Variants in DNAH11 observed in about 807,000 individuals in gnomAD.
DNAH11 encodes dynein axonemal heavy chain 11, also known as axonemal beta dynein heavy chain 11.
A neutral mutation model predicts 526.0 loss-of-function variants in DNAH11; 442 were observed. The ratio of observed to expected loss-of-function variants is 0.84; its 90% CI spans 0.78 to 0.91. DNAH11 has a LOEUF of 0.91. DNAH11 is among the 40% of genes least tolerant of loss of function. DNAH11 has a pLI of 0.00. For missense variants in DNAH11, 6,989 were observed against 5,448.7 expected (o/e 1.28, Z -8.90); for synonymous variants, 2,461 against 1,935.9 (o/e 1.27, Z -7.12).
At chr7:21,569,057 G>A (rs1252292608) in intron 6 of DNAH11, among the ~76,000 whole-genome samples, 1 of 152,146 alleles carries the variant, frequency 6.6e-6, no homozygotes, top group Non-Finnish European at 1.5e-5. Context: ...AGGGGTTTTA[G>A]ACACTAAATG....
In DNAH11 at chr7:21,588,072, C is replaced by A. The variant is rs749092321; in HGVS notation, c.1719C>A (p.Thr573=). 5.6e-6 allele frequency: 9 copies of A among 1,612,550 alleles called. No homozygotes were observed. The highest frequency in any genetic ancestry group is 7.6e-6 in the Non-Finnish European group (9 of 1,179,454). ...CACTTTGATTTTTATAGCTTTTGAC[C>A]ATATTTGGAAATTTTCTAGAGAAGC... ...NGLEAAFKLL[T]IFGNFLEKPV... Residue 573 remains threonine, a synonymous_variant, in exon 10 of 82, where the codon ACC becomes ACA. Coordinates refer to ENST00000409508, the MANE Select transcript of DNAH11 (RefSeq NM_001277115.2).
Position 21,707,845 on chromosome 7 carries a change from C to T in DNAH11, c.6683+10C>T. Reference sequence around the variant, plus strand: ...AATGGAAAGATGGCAAGTAGTATTTCCCCTTTAGAAGTGCTCAATTTTTTT... The same window carrying T: ...AATGGAAAGATGGCAAGTAGTATTTTCCCTTTAGAAGTGCTCAATTTTTTT... On this transcript the variant is annotated intron_variant, in intron 40 of 81. Transcript: ENST00000409508. 6.3e-7 allele frequency: 1 copy of T among 1,589,046 alleles called. No individual in the cohort carries two copies. Among genetic ancestry groups the T allele is most frequent in the Non-Finnish European group, 8.6e-7 (1 of 1,169,352 alleles).
intron 46 of DNAH11, among the ~76,000 whole-genome samples, chr7:21,736,704 T>A (rs778858785): frequency 7.2e-5 from 11 of 152,160 alleles, no homozygotes; most frequent in Non-Finnish European, 1.5e-4. Flanking sequence ...GAAAGCCAAC[T>A]CAAGCCAGGT....
chr7:21,852,420 A>AAT, intron 66 of DNAH11, 47 bp from the exon 67 acceptor site: 1 of 1,551,666 alleles, frequency 6.4e-7, no homozygotes, highest in Non-Finnish European at 8.7e-7. Context: ...AAAAAAAAAA[A>AAT]AAAGTACTTA....
At chr7:21,698,341 TC>T in intron 36 of DNAH11, 128 bp downstream of exon 36, 5 of 1,338,700 alleles carry the variant, frequency 3.7e-6, no homozygotes, top group African/African-American at 1.5e-5. Context: ...TTAAAAAAAT[TC>T]AATAGTTTGG....
At chr7:21,576,105 C>T (rs1183566510) in intron 8 of DNAH11, among the ~76,000 whole-genome samples, 1 of 152,144 alleles carries the variant, frequency 6.6e-6, no homozygotes, top group Non-Finnish European at 1.5e-5. Context: ...TCCTCTAGAT[C>T]TTGTTGCTGC....
At chr7:21,618,622 C>CT (rs1481082059) in intron 23 of DNAH11, 1 of 168,452 alleles carries the variant, frequency 5.9e-6, no homozygotes, top group Non-Finnish European at 1.3e-5. Context: ...CACTGTAAGA[C>CT]TATTTTTTTT....
rs1180502290 is a variant in DNAH11 at position 21,619,203 on chromosome 7, A to G, written c.4358A>G (p.Lys1453Arg). 3.7e-6 allele frequency: 6 copies of G among 1,613,140 alleles called. No homozygotes were observed. Among genetic ancestry groups the G allele is most frequent in the Non-Finnish European group, 2.5e-6 (3 of 1,179,576 alleles). ...CGAAGGATTGTGGACAAGGCGGTGA[A>G]AGAGCTGGGGACTGAGAAGGTAGTG... ...DVRRIVDKAV[K>R]ELGTEKVITE... is the part of the protein sequence containing the mutation. The change falls in exon 24 of 82, where the codon AAA becomes AGA. Residue 1453 changes from lysine (K) to arginine (R), a missense_variant. Physicochemically the swap from Lys to Arg is conservative, Grantham distance 26. Coordinates refer to ENST00000409508, the MANE Select transcript of DNAH11 (RefSeq NM_001277115.2).
chr7:21,569,996 T>G, intron 6 of DNAH11, 73 bp from the exon 7 acceptor site: 1 of 1,227,416 alleles, frequency 8.1e-7, no homozygotes, highest in East Asian at 2.6e-5. Flanking sequence ...AATGATTCTT[T>G]GAAACAGAGA....
At chr7:21,765,349 C>A (rs1787128247) in intron 54 of DNAH11, 79 bp from the exon 55 acceptor site, 1 of 1,595,968 alleles carries the variant, frequency 6.3e-7, no homozygotes, top group East Asian at 2.2e-5. Flanking sequence ...ACTCCTTTCT[C>A]TCATTGTCTA....
intron 35 of DNAH11, among the ~76,000 whole-genome samples, chr7:21,695,204 A>T (rs1783799288): frequency 6.6e-6 from 1 of 152,232 alleles, no homozygotes; most frequent in African/African-American, 2.4e-5. Flanking sequence ...ATTCCCATCA[A>T]GCTACCATTG....
At chr7:21,839,263 G>A (rs1782111037) in intron 65 of DNAH11, among the ~76,000 whole-genome samples, 1 of 152,214 alleles carries the variant, frequency 6.6e-6, no homozygotes, top group East Asian at 1.9e-4. Flanking sequence ...ATAGATGGAA[G>A]AATAAATCAC....
chr7:21,543,239 T>C lies in DNAH11; in HGVS notation c.-7T>C. 6.6e-7 allele frequency: 1 copy of C among 1,526,242 alleles called. No individual in the cohort carries two copies. Among genetic ancestry groups the C allele is most frequent in the Non-Finnish European group, 8.8e-7 (1 of 1,136,460 alleles). The allele number at this position is 1,526,242 out of a possible 1,614,324, so 94.5% of individuals were successfully genotyped here. On this transcript the variant is annotated 5_prime_UTR_variant, in exon 1 of 82. Transcript: ENST00000409508. Reference sequence around the variant, plus strand: ...GCCGGCCTCGCGTTCCCTCGGACGGTTGCCCAATGGCAGCCCAGGTGGCAG... The same window carrying C: ...GCCGGCCTCGCGTTCCCTCGGACGGCTGCCCAATGGCAGCCCAGGTGGCAG...
At chr7:21,710,998 T>C (rs1394178872) in intron 41 of DNAH11, among the ~76,000 whole-genome samples, 1 of 152,226 alleles carries the variant, frequency 6.6e-6, no homozygotes, top group Admixed American at 6.5e-5. Context: ...CCGTAAATTA[T>C]TGTATCTTGT....
chr7:21,785,408 C>T (rs776682193), intron 58 of DNAH11, among the ~76,000 whole-genome samples: 4 of 152,146 alleles, frequency 2.6e-5, no homozygotes, highest in Non-Finnish European at 5.9e-5. Context: ...TTCAAATAGC[C>T]TGCTGCCGTT....
chr7:21,827,129 G>C (rs960986963), intron 65 of DNAH11, among the ~76,000 whole-genome samples: 1 of 152,202 alleles, frequency 6.6e-6, no homozygotes, highest in Non-Finnish European at 1.5e-5. Flanking sequence ...TGTTTGAGAA[G>C]ATATACAGGT....
intron 61 of DNAH11, among the ~76,000 whole-genome samples, chr7:21,794,593 G>T (rs1239713764): frequency 6.6e-6 from 1 of 152,162 alleles, no homozygotes; most frequent in Non-Finnish European, 1.5e-5. Context: ...CTGGGGGTTT[G>T]TGCCCAGAAG....
chr7:21,890,808 G>A (rs1470162092), intron 76 of DNAH11, among the ~76,000 whole-genome samples: 2 of 152,126 alleles, frequency 1.3e-5, no homozygotes, highest in Non-Finnish European at 2.9e-5. Context: ...CAAGCCAATG[G>A]ATACTGGTGG....
rs549901972 is a variant in DNAH11, at chr7:21,801,750, T to A, written c.10165+475T>A. On this transcript the variant is annotated intron_variant, in intron 62 of 81. Coordinates refer to ENST00000409508, the MANE Select transcript of DNAH11 (RefSeq NM_001277115.2). ...TTGAACTGTTTGTTGTCTGATCCTT[T>A]TAATATACATTTGCCATTGAATTCT... is the stretch of plus-strand genomic sequence containing the variant. Among the ~76,000 whole-genome samples, 3 of 152,352 alleles carry A rather than the reference T, an allele frequency of 2.0e-5. No homozygotes were observed. The East Asian group carries it at 5.8e-4, about 29-fold the overall frequency.
Sources: gnomAD v4.1 joint callset for allele counts (sites outside exome capture counted in the v4.1 genomes callset) on GRCh38, gnomAD v4.1.1 for gene constraint, MANE v1.5 for transcripts, NCBI Gene and HGNC (gene_info 2026-07-23, HGNC 2026-07-21) for gene names.